The following GGT1 variants were observed in gnomAD, a reference collection of about 807,000 sequenced individuals.
GGT1 encodes the protein glutathione hydrolase 1 proenzyme.
Under a neutral mutation model 56.0 loss-of-function variants are expected in GGT1, and 21 were observed. The observed-to-expected ratio is 0.38, with a 90% CI of 0.27 to 0.54. The LOEUF (loss-of-function observed/expected upper bound fraction) is 0.54. Ranked by LOEUF, GGT1 falls within the 20% of genes least tolerant of loss-of-function variation. GGT1 has a pLI of 0.82. For synonymous variants in GGT1, 238 were observed against 342.6 expected, an observed-to-expected ratio of 0.69 and a Z score of 3.37; for missense variants, 466 against 787.0, an observed-to-expected ratio of 0.59 and a Z score of 4.88.
At chr22:24,609,762 G>A in intron 2 of GGT1, 8 of 301,664 alleles carry the variant, frequency 2.7e-5, no homozygotes, top group South Asian at 2.1e-4. Flanking sequence ...TGCTGCCATA[G>A]CCATGAGACT....
the GGT1 span, chr22:24,589,090 A>G: frequency 9.1e-7 from 1 of 1,092,994 alleles, no homozygotes; most frequent in African/African-American, 1.7e-5. Flanking sequence ...CCGACTGTGC[A>G]GAGACCTGGG....
At chr22:24,621,816 C>T (rs1474535767) in intron 9 of GGT1, among the ~76,000 whole-genome samples, 5 of 151,592 alleles carry the variant, frequency 3.3e-5, no homozygotes, top group African/African-American at 9.7e-5. Flanking sequence ...TTTGGGAGGC[C>T]GAGGCGGGTG....
upstream of GGT1, among the ~76,000 whole-genome samples, chr22:24,600,736 T>C (rs1454585952): frequency 6.6e-6 from 1 of 152,214 alleles, no homozygotes; most frequent in Non-Finnish European, 1.5e-5. Flanking sequence ...AGTGTGGTCT[T>C]TGTGGCTCAG....
upstream of GGT1, among the ~76,000 whole-genome samples, chr22:24,598,466 AGAT>A (rs1380500486): frequency 1.3e-5 from 2 of 150,980 alleles, no homozygotes; most frequent in Non-Finnish European, 3.0e-5. Flanking sequence ...AAAAAAAAAA[AGAT>A]AAAGGCTACA....
chr22:24,620,963 C>T lies in GGT1; in HGVS notation c.626C>T (p.Thr209Ile), dbSNP rs776473861. The T allele has an allele frequency of 6.2e-7, 1 of 1,612,030 alleles. No homozygotes were observed. Among genetic ancestry groups the T allele is most frequent in the East Asian group, 2.2e-5 (1 of 44,888 alleles). Residue 209 changes from threonine (T) to isoleucine (I), a missense_variant, in exon 9 of 16, where the codon ACC becomes ATC. By Grantham distance (89) the Thr-to-Ile change is moderately conservative. This residue lies in a region of GGT1 where 456 missense variants were observed against 716.7 expected (regional missense o/e 0.64). Coordinates refer to ENST00000400382, the MANE Select transcript of GGT1 (RefSeq NM_001288833.2). The surrounding 1 kb of genome is among the most constrained non-coding windows in gnomAD (Gnocchi z 5.6). The stretch of plus-strand genomic sequence containing the variant: ...GTGCTTCGGGAGGGGGAGAGACTGA[C>T]CCTGCCGCAGCTGGCTGACACCTAC... ...RKVLREGERL[T>I]LPQLADTYET...
intron 5 of GGT1, among the ~76,000 whole-genome samples, 185 bp downstream of exon 5, chr22:24,611,430 C>T (rs575739010): frequency 3.9e-4 from 60 of 151,980 alleles, no homozygotes; most frequent in Non-Finnish European, 5.6e-4. Context: ...AAACAGGGCC[C>T]CTTTTCTCAG....
the GGT1 span, among the ~76,000 whole-genome samples, chr22:24,588,050 A>G: frequency 6.6e-6 from 1 of 152,140 alleles, no homozygotes; most frequent in South Asian, 2.1e-4. Context: ...AGCATCTGCT[A>G]CCACGGGCCA....
At chr22:24,609,936 A>G (rs2046558959) in intron 2 of GGT1, 29 bp from the exon 3 acceptor site, 3 of 462,880 alleles carry the variant, frequency 6.5e-6, no homozygotes, top group Non-Finnish European at 1.3e-5. Context: ...CCACAGTCTA[A>G]CCTACTCTAT....
At chr22:24,606,768 G>A (rs1468419774) in intron 1 of GGT1, among the ~76,000 whole-genome samples, 1 of 151,978 alleles carries the variant, frequency 6.6e-6, no homozygotes, top group Non-Finnish European at 1.5e-5. Flanking sequence ...AGCAATATTG[G>A]GTCAGCCTTC....
the GGT1 span, chr22:24,589,768 G>GC: frequency 1.9e-6 from 3 of 1,545,168 alleles, no homozygotes; most frequent in Non-Finnish European, 2.6e-6. Context: ...GGCTCTGTTG[G>GC]CCCCCCTGTC....
At chr22:24,598,613 G>A (rs1304431055), upstream of GGT1, among the ~76,000 whole-genome samples, 3 of 152,016 alleles carry the variant, frequency 2.0e-5, no homozygotes, top group African/African-American at 7.2e-5. Flanking sequence ...GAGTACAGTG[G>A]CACTATCTCA....
chr22:24,588,715 A>G, the GGT1 span: 4 of 1,074,304 alleles, frequency 3.7e-6, no homozygotes, highest in African/African-American at 6.5e-5. Flanking sequence ...CCCTCGAGGG[A>G]GCCGTGCTCC....
intron 9 of GGT1, among the ~76,000 whole-genome samples, chr22:24,622,559 G>T (rs574949375): frequency 1.3e-5 from 2 of 151,590 alleles, no homozygotes; most frequent in Non-Finnish European, 1.5e-5. Flanking sequence ...GCGAGACTCC[G>T]TCTCAAAAAA....
intron 1 of GGT1, among the ~76,000 whole-genome samples, chr22:24,597,792 A>G (rs1413615770): frequency 6.6e-6 from 1 of 152,238 alleles, no homozygotes; most frequent in African/African-American, 2.4e-5. Context: ...ATTCTCCCAC[A>G]CACCCAGCAA....
chr22:24,605,741 A>T (rs186078952), intron 1 of GGT1, among the ~76,000 whole-genome samples: 1 of 53,116 alleles, frequency 1.9e-5, no homozygotes, highest in Non-Finnish European at 2.8e-5. Flanking sequence ...AATATTATAT[A>T]ATGTGTATTA....
intron 11 of GGT1, chr22:24,624,487 AC>A (rs2047627911): frequency 1.0e-6 from 1 of 965,112 alleles, no homozygotes; most frequent in Non-Finnish European, 1.2e-6. Flanking sequence ...CCCCACACTG[AC>A]CAGTGACCTC....
chr22:24,625,591 G>A (rs1215460374), intron 11 of GGT1, among the ~76,000 whole-genome samples: 1 of 151,778 alleles, frequency 6.6e-6, no homozygotes, highest in African/African-American at 2.4e-5. Context: ...GCCCAGGCTG[G>A]AGTGCAGTGG....
chr22:24,593,887 C>T (rs909392424), upstream of GGT1, among the ~76,000 whole-genome samples: 2 of 152,220 alleles, frequency 1.3e-5, no homozygotes, highest in Non-Finnish European at 2.9e-5. Flanking sequence ...CAAATATTTA[C>T]TGCCTCCTGC....
rs375316441 is a variant in GGT1 at position 24,621,027 on chromosome 22, C to T, written c.690C>T (p.Asn230=). The change falls in exon 9 of 16, where the codon AAC becomes AAT. Residue 230 remains asparagine (N), a synonymous_variant. Coordinates refer to ENST00000400382, the MANE Select transcript of GGT1 (RefSeq NM_001288833.2). ...LAIEGAQAFY[N]GSLTAQIVKD... Reference sequence around the variant, plus strand: ...TCGAGGGTGCCCAGGCCTTCTACAACGGCAGCCTCACGGCCCAGATTGTGA... The same window carrying T: ...TCGAGGGTGCCCAGGCCTTCTACAATGGCAGCCTCACGGCCCAGATTGTGA... 17 of 1,606,606 alleles carry T rather than the reference C, an allele frequency of 1.1e-5. No individual in the cohort carries two copies. The highest frequency in any genetic ancestry group is 2.2e-5 in the South Asian group (2 of 90,136).
Sources: gnomAD v4.1 joint callset for allele counts (sites outside exome capture counted in the v4.1 genomes callset) on GRCh38, gnomAD v4.1.1 for gene constraint, gnomAD v4.1.1 regional missense constraint, Gnocchi (gnomAD v3.1) non-coding constraint, MANE v1.5 for transcripts, NCBI Gene and HGNC (gene_info 2026-07-23, HGNC 2026-07-21) for gene names.